SMARCB1: variants seen among roughly 807,000 people sequenced by gnomAD.
SMARCB1 encodes SWI/SNF related BAF chromatin remodeling complex subunit B1.
SMARCB1 carries 5 observed loss-of-function variants against 49.0 expected under a neutral mutation model. That is an observed-to-expected ratio of 0.10 (90% CI 0.05 to 0.21). The LOEUF is 0.21. Among genes scored for constraint, SMARCB1 ranks in the 10% least tolerant of loss-of-function variants. The probability of loss-of-function intolerance (pLI) is 1.00; values close to 1 mark genes in which losing one functional copy is unlikely to be tolerated. For missense variants in SMARCB1, 226 were observed against 509.2 expected, an observed-to-expected ratio of 0.44 and a Z score of 5.35; for synonymous variants, 201 against 200.1, an observed-to-expected ratio of 1.00 and a Z score of -0.04.
chr22:23,798,506 A>G (rs1046714951), intron 3 of SMARCB1, among the ~76,000 whole-genome samples: 2 of 152,182 alleles, frequency 1.3e-5, no homozygotes, highest in African/African-American at 4.8e-5. Flanking sequence ...CCCCTCTCAT[A>G]GTCTCTGCCC....
intron 7 of SMARCB1, among the ~76,000 whole-genome samples, chr22:23,828,639 G>C (rs1005624588): frequency 6.6e-6 from 1 of 152,108 alleles, no homozygotes. Flanking sequence ...GACAGAGCTA[G>C]ACTCCATCTC....
chr22:23,805,411 A>C (rs539101429), intron 5 of SMARCB1, among the ~76,000 whole-genome samples: 2 of 152,312 alleles, frequency 1.3e-5, no homozygotes, highest in East Asian at 3.9e-4. Flanking sequence ...CTCCCCGTTT[A>C]TCTCTGCTGG....
chr22:23,829,695 C>T (rs945765145), intron 7 of SMARCB1, among the ~76,000 whole-genome samples: 2 of 152,182 alleles, frequency 1.3e-5, no homozygotes, highest in African/African-American at 4.8e-5. Flanking sequence ...ATTCATAAAC[C>T]ATACAATTCA....
chr22:23,816,968 T>C lies in SMARCB1; in HGVS notation c.795+32T>C, dbSNP rs747867705. The C allele has an allele frequency of 2.5e-6, 4 of 1,596,506 alleles. No homozygotes were observed. In the African/African-American group the frequency reaches 5.4e-5, roughly 21 times the overall value. On this transcript the variant is annotated intron_variant, in intron 6 of 8. Coordinates refer to ENST00000644036, the MANE Select transcript of SMARCB1 (RefSeq NM_003073.5). ...GACTTCTCACCCAGCACTGGAGCCT[T>C]CCTGGCCCTCAGGGTGGGTGTCATC...
At chr22:23,787,400 G>A in intron 1 of SMARCB1, 138 bp downstream of exon 1, 1 of 459,180 alleles carries the variant, frequency 2.2e-6, no homozygotes, top group Non-Finnish European at 3.9e-6. Context: ...TGTGGGGCGT[G>A]GCCTAGTGGG....
intron 5 of SMARCB1, among the ~76,000 whole-genome samples, chr22:23,811,712 T>C: frequency 6.6e-6 from 1 of 152,232 alleles, no homozygotes; most frequent in East Asian, 1.9e-4. Flanking sequence ...ACAGATTATC[T>C]GTAGCACCAG....
intron 2 of SMARCB1, chr22:23,792,647 C>T (rs1277266158): frequency 6.4e-6 from 1 of 157,400 alleles, no homozygotes; most frequent in African/African-American, 2.4e-5. Context: ...GTAGTCTGCC[C>T]TGTTTGTTTG....
intron 3 of SMARCB1, among the ~76,000 whole-genome samples, chr22:23,797,551 C>CCG (rs1200072237): frequency 6.7e-6 from 1 of 149,836 alleles, no homozygotes; most frequent in East Asian, 1.9e-4. Context: ...ACCTTGTGAT[C>CCG]CGCCCACCTC....
chr22:23,807,906 T>C (rs1929602280), intron 5 of SMARCB1, among the ~76,000 whole-genome samples: 2 of 149,016 alleles, frequency 1.3e-5, no homozygotes, highest in Non-Finnish European at 3.0e-5. Context: ...GCCATTCTCC[T>C]GCCTCAGTCT....
chr22:23,822,700 G>A (rs1320565479), intron 6 of SMARCB1, among the ~76,000 whole-genome samples: 1 of 152,082 alleles, frequency 6.6e-6, no homozygotes, highest in Non-Finnish European at 1.5e-5. Context: ...ACCAGACCTT[G>A]GCTCCTCAGT....
intron 5 of SMARCB1, among the ~76,000 whole-genome samples, chr22:23,805,416 T>C (rs1929433428): frequency 6.6e-6 from 1 of 152,244 alleles, no homozygotes; most frequent in African/African-American, 2.4e-5. Flanking sequence ...CGTTTATCTC[T>C]GCTGGCCCAC....
rs765430678 is a variant in SMARCB1, at chr22:23,837,011, G to A, written c.*2831G>A. The A allele has an allele frequency of 1.9e-5, 30 of 1,612,052 alleles. No individual in the cohort carries two copies. The highest frequency in any genetic ancestry group is 3.3e-4 in the Middle Eastern group (2 of 6,056). On this transcript the variant is annotated 3_prime_UTR_variant, in exon 9 of 9. Transcript: ENST00000644036. ...GCACAGGCCAGCACAGGTCCCCATCGGTGGGGATCCTTCTGAGGGTGGGGA... is the reference window on the plus strand; with the variant it reads ...GCACAGGCCAGCACAGGTCCCCATCAGTGGGGATCCTTCTGAGGGTGGGGA...
In SMARCB1 at chr22:23,813,131, C is replaced by G. The variant is rs563517322; in HGVS notation, c.629-3639C>G. Among the ~76,000 whole-genome samples the G allele has an allele frequency of 2.0e-5, 3 of 152,322 alleles. No homozygotes were observed. The East Asian group carries it at 5.8e-4, about 29-fold the overall frequency. ...CCACCCGCCTCGGCCTCCCAAAGTG[C>G]TGGGATTACAGGCGTGAGCCACAGA... On this transcript the variant is annotated intron_variant, in intron 5 of 8. Coordinates refer to ENST00000644036, the MANE Select transcript of SMARCB1 (RefSeq NM_003073.5).
At chr22:23,817,343 A>C (rs8135025) in intron 6 of SMARCB1, 37,717 of 296,676 alleles carry the variant, frequency 0.13, 2,881 homozygotes, top group South Asian at 0.25. Flanking sequence ...CGGAAGTTGC[A>C]AACTGGCCAG....
In SMARCB1 at chr22:23,836,130, G is replaced by A; in HGVS notation, c.*1950G>A. The A allele has an allele frequency of 1.0e-6, 1 of 985,440 alleles. No individual in the cohort carries two copies. The highest frequency in any genetic ancestry group is 4.7e-5 in the South Asian group (1 of 21,286). The allele number at this position is 985,440 out of a possible 1,614,324, so 61.0% of individuals were successfully genotyped here. A position where few individuals can be genotyped will look rare whatever the true frequency, so the allele number is the denominator to read the frequency against. On this transcript the variant is annotated 3_prime_UTR_variant, in exon 9 of 9. Coordinates refer to ENST00000644036, the MANE Select transcript of SMARCB1 (RefSeq NM_003073.5). Reference sequence around the variant, plus strand: ...ACACGTCCTCAGCTAAAAAGGGCAGGAACAGAACCTTCCAGAAGTCCCTGC... The same window carrying A: ...ACACGTCCTCAGCTAAAAAGGGCAGAAACAGAACCTTCCAGAAGTCCCTGC...
chr22:23,796,303 A>G (rs538395886), intron 3 of SMARCB1, among the ~76,000 whole-genome samples: 1 of 152,278 alleles, frequency 6.6e-6, no homozygotes, highest in South Asian at 2.1e-4. Flanking sequence ...AGGAAAGGCT[A>G]GGTTAGTGAC....
chr22:23,837,050 C>T lies in SMARCB1; in HGVS notation c.*2870C>T. 1 of 1,613,596 alleles carries T rather than the reference C, an allele frequency of 6.2e-7. No homozygotes were observed. Among genetic ancestry groups the T allele is most frequent in the Admixed American group, 1.7e-5 (1 of 59,918 alleles). ...TGAGGGTGGGGAGAGGGAGGGAGGG[C>T]TCTCAACACTCACAGGAAGCCAGGG... is the stretch of plus-strand genomic sequence containing the variant. On this transcript the variant is annotated 3_prime_UTR_variant, in exon 9 of 9. Coordinates refer to ENST00000644036, the MANE Select transcript of SMARCB1 (RefSeq NM_003073.5).
At position 23,836,343 on chromosome 22, in the gene SMARCB1, T is replaced by C. The variant is rs1353131532; in HGVS notation, c.*2163T>C. The C allele has an allele frequency of 1.4e-5, 14 of 985,558 alleles. No homozygotes were observed. The highest frequency in any genetic ancestry group is 1.4e-5 in the Non-Finnish European group (12 of 830,002). The allele number at this position is 985,558 out of a possible 1,614,324, so 61.1% of individuals were successfully genotyped here. A position where few individuals can be genotyped will look rare whatever the true frequency, so the allele number is the denominator to read the frequency against. On this transcript the variant is annotated 3_prime_UTR_variant, in exon 9 of 9. Coordinates refer to ENST00000644036, the MANE Select transcript of SMARCB1 (RefSeq NM_003073.5). Reference sequence around the variant, plus strand: ...AGAGACAGGAGAGGCTAGATTGGCATCAGCCTGAAGGCACCACTGGCAGGA... The same window carrying C: ...AGAGACAGGAGAGGCTAGATTGGCACCAGCCTGAAGGCACCACTGGCAGGA...
At chr22:23,813,112 G>A (rs543351889) in intron 5 of SMARCB1, among the ~76,000 whole-genome samples, 5 of 152,212 alleles carry the variant, frequency 3.3e-5, no homozygotes, top group South Asian at 4.2e-4. Context: ...TGATCCACCC[G>A]CCTCGGCCTC....
Sources: gnomAD v4.1 joint callset for allele counts (sites outside exome capture counted in the v4.1 genomes callset) on GRCh38, gnomAD v4.1.1 for gene constraint, MANE v1.5 for transcripts, NCBI Gene and HGNC (gene_info 2026-07-23, HGNC 2026-07-21) for gene names.